CHD1L: variants seen among roughly 807,000 people sequenced by gnomAD.
CHD1L encodes the protein ATP-dependent chromatin remodeler CHD1L.
A neutral mutation model predicts 115.9 loss-of-function variants in CHD1L; 118 were observed. The ratio of observed to expected loss-of-function variants is 1.02; its 90% CI spans 0.88 to 1.19. The LOEUF (loss-of-function observed/expected upper bound fraction) is 1.19. Among genes scored for constraint, CHD1L ranks in the 50% most tolerant of loss-of-function variants. The pLI, the probability that CHD1L is intolerant of heterozygous loss-of-function variation, is 0.00. For missense variants in CHD1L, 1,179 were observed against 1,065.3 expected (o/e 1.11, Z -1.49); for synonymous variants, 411 against 387.1 (o/e 1.06, Z -0.72).
chr1:147,175,488 A>G, the CHD1L span: 1 of 152,138 alleles, frequency 6.6e-6, no homozygotes, highest in Non-Finnish European at 1.5e-5. Flanking sequence ...GGTTTCCCCC[A>G]TGCTGTTCTT....
At chr1:147,259,077 T>A (rs1319959759) in intron 5 of CHD1L, 1 of 152,190 alleles carries the variant, frequency 6.6e-6, no homozygotes, top group Non-Finnish European at 1.5e-5. Flanking sequence ...TTTTTGCTGT[T>A]TTAAATAATA....
the CHD1L span, among the ~76,000 whole-genome samples, chr1:147,218,597 T>A: frequency 1.3e-4 from 20 of 152,310 alleles, no homozygotes; most frequent in African/African-American, 3.6e-4. Flanking sequence ...ACAAAGTAGA[T>A]CCTGCCACTC....
chr1:147,219,230 C>G, the CHD1L span, among the ~76,000 whole-genome samples: 1 of 152,066 alleles, frequency 6.6e-6, no homozygotes, highest in African/African-American at 2.4e-5. Context: ...ATTCTAATCA[C>G]CAAATATGTA....
At chr1:147,289,432 G>A (rs1314257450) in intron 19 of CHD1L, among the ~76,000 whole-genome samples, 5 of 152,214 alleles carry the variant, frequency 3.3e-5, no homozygotes, top group Admixed American at 1.3e-4. Flanking sequence ...AGACACTGAA[G>A]TGAGGATGAA....
chr1:147,233,919 C>T, the CHD1L span, among the ~76,000 whole-genome samples: 1 of 151,852 alleles, frequency 6.6e-6, no homozygotes, highest in Admixed American at 6.6e-5. Flanking sequence ...GAGTCATCAC[C>T]ACTCCCTAAT....
At chr1:147,288,339 A>AAGAG (rs1553967831) in intron 19 of CHD1L, among the ~76,000 whole-genome samples, 2 of 26,892 alleles carry the variant, frequency 7.4e-5, no homozygotes, top group African/African-American at 1.2e-4. Flanking sequence ...AAAAAAAAAA[A>AAGAG]AAAAAAAGAA....
In CHD1L at chr1:147,267,527, G is replaced by A; in HGVS notation, c.988+9G>A. 6.3e-7 allele frequency: 1 copy of A among 1,599,500 alleles called. No homozygotes were observed. Among genetic ancestry groups the A allele is most frequent in the African/African-American group, 1.3e-5 (1 of 74,528 alleles). On this transcript the variant is annotated intron_variant, in intron 9 of 22. Transcript: ENST00000369258. ...CCCATATTTGTTTGATGGTGAGACA[G>A]TGCCTTTTCCCCCCACATTATTCTT...
chr1:147,215,634 A>G, the CHD1L span: 1 of 659,946 alleles, frequency 1.5e-6, no homozygotes, highest in Non-Finnish European at 2.5e-6. Context: ...TTGCCTGGGT[A>G]GGATAAATAC....
chr1:147,233,510 G>A, the CHD1L span, among the ~76,000 whole-genome samples: 7 of 150,750 alleles, frequency 4.6e-5, no homozygotes, highest in Admixed American at 6.6e-5. Context: ...CGCCCCATCC[G>A]GGAGGTGAGG....
Position 147,288,347 on chromosome 1 carries a change from G to GAAAAAGAAAAAAAGA in CHD1L, c.2320+621_2320+622insAAAAAAGAAAAAAGA, listed in dbSNP as rs1572170026. Among the ~76,000 whole-genome samples, 224 of 122,114 alleles carry GAAAAAGAAAAAAAGA rather than the reference G, an allele frequency of 1.8e-3. 1 individual carries two copies. Among genetic ancestry groups the GAAAAAGAAAAAAAGA allele is most frequent in the Middle Eastern group, 4.2e-3 (1 of 238 alleles). The allele number at this position is 122,114 out of a possible 152,430, so 80.1% of individuals were successfully genotyped here. A position where few individuals can be genotyped will look rare whatever the true frequency, so the allele number is the denominator to read the frequency against. Reference sequence around the variant, plus strand: ...CAATAAAAAAAAAAAAAAAAAAAAAGAAAAAGAGAACTATTGGAATAAACA... The same window carrying GAAAAAGAAAAAAAGA: ...CAATAAAAAAAAAAAAAAAAAAAAAGAAAAAGAAAAAAAGAAAAAAGAGAACTATTGGAATAAACA... On this transcript the variant is annotated intron_variant, in intron 19 of 22. Transcript: ENST00000369258.
At chr1:147,282,013 A>G (rs1249001491) in intron 15 of CHD1L, among the ~76,000 whole-genome samples, 1 of 152,104 alleles carries the variant, frequency 6.6e-6, no homozygotes, top group East Asian at 1.9e-4. Flanking sequence ...AGCTATAGTC[A>G]CCATGGTACC....
chr1:147,198,867 A>G, the CHD1L span, among the ~76,000 whole-genome samples: 202 of 150,308 alleles, frequency 1.3e-3, 4 homozygotes, highest in African/African-American at 4.6e-3. Flanking sequence ...AAAAAAAAAA[A>G]AAAAAAAAGA....
At chr1:147,230,476 T>C in the CHD1L span, among the ~76,000 whole-genome samples, 2 of 89,088 alleles carry the variant, frequency 2.2e-5, 1 homozygote, top group South Asian at 9.3e-4. Context: ...TCTCTTTTTT[T>C]CTTGTGTCTC....
chr1:147,199,433 G>A, the CHD1L span, among the ~76,000 whole-genome samples: 2 of 152,144 alleles, frequency 1.3e-5, no homozygotes, highest in African/African-American at 4.8e-5. Flanking sequence ...AAAAAAGCTG[G>A]AGGAATTAGC....
At position 147,293,739 on chromosome 1, in the gene CHD1L, G is replaced by T. The variant is rs1686491627; in HGVS notation, c.2506+17G>T. Reference sequence around the variant, plus strand: ...AGAAGAAAGGTAAGCTCTTCCACCTGTGCTCAAGAGTAGATGAATTTGTTT... The same window carrying T: ...AGAAGAAAGGTAAGCTCTTCCACCTTTGCTCAAGAGTAGATGAATTTGTTT... On this transcript the variant is annotated intron_variant, in intron 21 of 22. Transcript: ENST00000369258. The T allele has an allele frequency of 6.3e-7, 1 of 1,583,144 alleles. No individual in the cohort carries two copies. The highest frequency in any genetic ancestry group is 8.7e-7 in the Non-Finnish European group (1 of 1,152,668).
the CHD1L span, chr1:147,201,235 G>C: frequency 2.0e-5 from 32 of 1,614,046 alleles, no homozygotes; most frequent in Admixed American, 4.0e-4. Flanking sequence ...GCCTATGATT[G>C]CAAGAGTTGG....
chr1:147,219,651 A>G, the CHD1L span, among the ~76,000 whole-genome samples: 1 of 152,088 alleles, frequency 6.6e-6, no homozygotes, highest in Admixed American at 6.5e-5. Context: ...TAGAAGAAAG[A>G]AAAGTAAAGG....
At chr1:147,268,354 A>C (rs988258448) in intron 9 of CHD1L, among the ~76,000 whole-genome samples, 1 of 152,170 alleles carries the variant, frequency 6.6e-6, no homozygotes, top group Non-Finnish European at 1.5e-5. Context: ...ATTTTAAGGG[A>C]ATCTCTGCCA....
chr1:147,191,314 T>C, the CHD1L span, among the ~76,000 whole-genome samples: 2 of 152,108 alleles, frequency 1.3e-5, no homozygotes, highest in African/African-American at 2.4e-5. Context: ...TGTAAAAGTG[T>C]TCCTATTTCT....
Sources: gnomAD v4.1 joint callset for allele counts (sites outside exome capture counted in the v4.1 genomes callset) on GRCh38, gnomAD v4.1.1 for gene constraint, MANE v1.5 for transcripts, NCBI Gene and HGNC (gene_info 2026-07-23, HGNC 2026-07-21) for gene names.